The following UMAD1 variants were observed in gnomAD, a reference collection of about 807,000 sequenced individuals.
UMAD1 encodes the protein UBAP1-MVB12-associated (UMA) domain containing 1.
Under a neutral mutation model 6.1 loss-of-function variants are expected in UMAD1, and 8 were observed. That is an observed-to-expected ratio of 1.30 (90% CI 0.76 to 2.35). The LOEUF is 2.35. Ranked by LOEUF, UMAD1 falls within the 30% of genes most tolerant of loss-of-function variation. The pLI is 0.00. For missense variants in UMAD1, 130 were observed against 78.4 expected, an observed-to-expected ratio of 1.66 and a Z score of -2.49; for synonymous variants, 56 against 31.4, an observed-to-expected ratio of 1.78 and a Z score of -2.61.
intron 2 of UMAD1, among the ~76,000 whole-genome samples, chr7:7,688,309 G>C (rs570597862): frequency 5.3e-5 from 8 of 152,202 alleles, no homozygotes; most frequent in African/African-American, 1.9e-4. Flanking sequence ...TTGTCAGGTG[G>C]GGCATATCTC....
intron 2 of UMAD1, among the ~76,000 whole-genome samples, chr7:7,788,223 G>A (rs530648703): frequency 1.2e-4 from 19 of 152,342 alleles, no homozygotes; most frequent in African/African-American, 4.3e-4. Context: ...GAAGGAGAAC[G>A]TATGACTTGT....
chr7:7,824,255 G>C (rs1563236491), intron 3 of UMAD1, among the ~76,000 whole-genome samples: 1 of 152,056 alleles, frequency 6.6e-6, no homozygotes, highest in Non-Finnish European at 1.5e-5. Flanking sequence ...CTCACCTTCA[G>C]TAACTACTTA....
At chr7:7,657,179 T>C (rs1375771544) in intron 1 of UMAD1, among the ~76,000 whole-genome samples, 1 of 152,214 alleles carries the variant, frequency 6.6e-6, no homozygotes, top group African/African-American at 2.4e-5. Flanking sequence ...TTCTTGTAAA[T>C]TTGTTTAAAT....
intron 2 of UMAD1, among the ~76,000 whole-genome samples, chr7:7,728,155 G>T (rs559745965): frequency 6.6e-6 from 1 of 152,146 alleles, no homozygotes; most frequent in Non-Finnish European, 1.5e-5. Flanking sequence ...GTGTACATGT[G>T]TGCACATCTA....
intron 1 of UMAD1, among the ~76,000 whole-genome samples, chr7:7,656,810 A>T (rs1015883452): frequency 1.3e-5 from 2 of 152,220 alleles, no homozygotes. Flanking sequence ...AATGATTTAT[A>T]ATCCTTTGGG....
chr7:7,823,685 G>A (rs1280618070), intron 3 of UMAD1, among the ~76,000 whole-genome samples: 1 of 151,978 alleles, frequency 6.6e-6, no homozygotes, highest in African/African-American at 2.4e-5. Flanking sequence ...AAACATATTA[G>A]CGTATATATT....
chr7:7,675,056 G>T (rs1412677605), intron 2 of UMAD1, among the ~76,000 whole-genome samples: 1 of 151,770 alleles, frequency 6.6e-6, no homozygotes. Context: ...ATAGAGATGG[G>T]GTCTTGCCAT....
chr7:7,800,812 T>G (rs573155285), intron 2 of UMAD1, among the ~76,000 whole-genome samples: 1 of 152,324 alleles, frequency 6.6e-6, no homozygotes, highest in African/African-American at 2.4e-5. Context: ...TTTCTAACCA[T>G]TAGTGTCAGC....
At chr7:7,802,834 G>A (rs566001680) in intron 3 of UMAD1, among the ~76,000 whole-genome samples, 1 of 152,300 alleles carries the variant, frequency 6.6e-6, no homozygotes, top group Admixed American at 6.5e-5. Flanking sequence ...GTACAATCAT[G>A]AGTAATAAGT....
At chr7:7,673,827 G>A (rs535914136) in intron 2 of UMAD1, among the ~76,000 whole-genome samples, 1 of 151,860 alleles carries the variant, frequency 6.6e-6, no homozygotes, top group Admixed American at 6.5e-5. Flanking sequence ...AATTAAATTA[G>A]GCATCCAATA....
chr7:7,866,636 A>T (rs991111723), intron 3 of UMAD1, among the ~76,000 whole-genome samples: 1 of 152,228 alleles, frequency 6.6e-6, no homozygotes, highest in Non-Finnish European at 1.5e-5. Context: ...GGAAAGCAGT[A>T]GGCACCATGA....
Position 7,789,972 on chromosome 7 carries a change from A to G in UMAD1, c.83-11698A>G, listed in dbSNP as rs1447489830. Among the ~76,000 whole-genome samples, 19 of 152,260 alleles carry G rather than the reference A, an allele frequency of 1.2e-4. No homozygotes were observed. The East Asian group carries it at 3.3e-3, about 26-fold the overall frequency. On this transcript the variant is annotated intron_variant, in intron 2 of 3. Coordinates refer to ENST00000682710, the MANE Select transcript of UMAD1 (RefSeq NM_001302348.2). ...TCGGTTCCTTTGGGAACATTTACTTAGTGAGCCCCAATCTTCTTACAGAGT... is the reference window on the plus strand; with the variant it reads ...TCGGTTCCTTTGGGAACATTTACTTGGTGAGCCCCAATCTTCTTACAGAGT...
intron 3 of UMAD1, among the ~76,000 whole-genome samples, chr7:7,827,133 A>ATGTGTGTG (rs1354412548): frequency 3.0e-3 from 272 of 89,208 alleles, no homozygotes; most frequent in African/African-American, 8.7e-3. Context: ...ATATATATAT[A>ATGTGTGTG]TATATATATA....
intron 2 of UMAD1, among the ~76,000 whole-genome samples, chr7:7,761,362 C>CCAAAAAAAAAAAAA (rs1491506300): frequency 2.0e-5 from 1 of 50,284 alleles, no homozygotes; most frequent in Non-Finnish European, 4.0e-5. Context: ...TGAGACCTAA[C>CCAAAAAAAAAAAAA]TAAAAAAAAA....
chr7:7,782,300 C>A (rs1583820850), intron 2 of UMAD1, among the ~76,000 whole-genome samples: 1 of 152,008 alleles, frequency 6.6e-6, no homozygotes, highest in Admixed American at 6.6e-5. Context: ...CACGTATTCT[C>A]ATATACTTTT....
chr7:7,763,219 C>T (rs1185930698), intron 2 of UMAD1, among the ~76,000 whole-genome samples: 1 of 151,934 alleles, frequency 6.6e-6, no homozygotes, highest in African/African-American at 2.4e-5. Flanking sequence ...TTAATTAAAG[C>T]CAATGACATT....
chr7:7,860,134 G>A (rs1022169631), intron 3 of UMAD1, among the ~76,000 whole-genome samples: 1 of 152,094 alleles, frequency 6.6e-6, no homozygotes, highest in Non-Finnish European at 1.5e-5. Context: ...TCCAGTGTGT[G>A]TGAAAGGTCT....
chr7:7,659,973 A>G (rs1232519710), intron 1 of UMAD1, among the ~76,000 whole-genome samples: 2 of 152,184 alleles, frequency 1.3e-5, no homozygotes, highest in Non-Finnish European at 2.9e-5. Flanking sequence ...TGCTGTATGA[A>G]TCTGGGTGAT....
chr7:7,787,580 C>T (rs1328637138), intron 2 of UMAD1, among the ~76,000 whole-genome samples: 1 of 152,176 alleles, frequency 6.6e-6, no homozygotes, highest in Non-Finnish European at 1.5e-5. Context: ...TTATTTACCT[C>T]AAACTCCATT....
Sources: allele counts gnomAD v4.1 joint callset (sites outside exome capture counted in the v4.1 genomes callset), GRCh38; gene constraint gnomAD v4.1.1; transcripts MANE v1.5; gene names NCBI Gene and HGNC (gene_info 2026-07-23, HGNC 2026-07-21).